Variants in TCF20 observed in about 807,000 individuals in gnomAD.
TCF20 encodes the protein SPRE-binding protein.
In TCF20, 3 loss-of-function variants were observed where a neutral mutation model predicts 148.6. That is an observed-to-expected ratio of 0.02 (90% CI 0.01 to 0.05). TCF20 has a LOEUF of 0.05. Ranked by LOEUF, TCF20 falls within the 10% of genes least tolerant of loss-of-function variation. The pLI, the probability that TCF20 is intolerant of heterozygous loss-of-function variation, is 1.00. For missense variants in TCF20, 2,350 were observed against 2,429.3 expected, an observed-to-expected ratio of 0.97 and a Z score of 0.69; for synonymous variants, 1,049 against 909.5, an observed-to-expected ratio of 1.15 and a Z score of -2.76.
chr22:42,199,503 G>C (rs967716342), intron 2 of TCF20, among the ~76,000 whole-genome samples: 2 of 152,032 alleles, frequency 1.3e-5, no homozygotes, highest in African/African-American at 4.8e-5. Flanking sequence ...TTTGACATGT[G>C]CTCTTTCTCA....
chr22:42,331,324 C>T (rs1385274380), intron 1 of TCF20, among the ~76,000 whole-genome samples: 1 of 152,234 alleles, frequency 6.6e-6, no homozygotes, highest in Non-Finnish European at 1.5e-5. Flanking sequence ...AACAGCTGGC[C>T]TCACAGAGAC....
intron 1 of TCF20, among the ~76,000 whole-genome samples, chr22:42,294,220 G>A (rs376735346): frequency 6.6e-5 from 10 of 152,196 alleles, no homozygotes; most frequent in African/African-American, 1.7e-4. Flanking sequence ...CCTGCAGTGC[G>A]GTGCATTAAT....
At chr22:42,283,231 T>C (rs962319325) in intron 1 of TCF20, among the ~76,000 whole-genome samples, 1 of 152,186 alleles carries the variant, frequency 6.6e-6, no homozygotes, top group Non-Finnish European at 1.5e-5. Flanking sequence ...GCCCCTCCTT[T>C]GTCCCGCATC....
chr22:42,299,386 C>A lies in TCF20; in HGVS notation c.-37+44093G>T, dbSNP rs768908596. The stretch of plus-strand genomic sequence containing the variant: ...TGCCTCTCACACAGTCCTTACCTTG[C>A]TCTCCCTCCCCATGGACTCTCTCTC... On this transcript the variant is annotated intron_variant, in intron 1 of 1. Coordinates refer to the TCF20 transcript ENST00000515426. The surrounding 1 kb of genome is among the most constrained non-coding windows in gnomAD (Gnocchi z 4.1). 3.3e-5 allele frequency among the ~76,000 whole-genome samples: 5 copies of A among 152,110 alleles called. No individual in the cohort carries two copies. Among genetic ancestry groups the A allele is most frequent in the Non-Finnish European group, 5.9e-5 (4 of 68,016 alleles).
chr22:42,195,196 C>T (rs150839148), intron 2 of TCF20, among the ~76,000 whole-genome samples: 8 of 150,802 alleles, frequency 5.3e-5, no homozygotes, highest in African/African-American at 1.9e-4. Flanking sequence ...ACTACATTCA[C>T]CCAGTGGCAA....
chr22:42,309,177 C>G (rs1382409278), intron 1 of TCF20, among the ~76,000 whole-genome samples: 5 of 152,068 alleles, frequency 3.3e-5, no homozygotes, highest in Non-Finnish European at 7.4e-5. Flanking sequence ...AGCCGGCAAC[C>G]CCTGCGGGAC....
rs1377636883 is a variant in TCF20 at position 42,161,389 on chromosome 22, A to G, written c.*45-31T>C. 8 of 1,613,734 alleles carry G rather than the reference A, an allele frequency of 5.0e-6. No homozygotes were observed. The Admixed American group carries it at 1.3e-4, about 27-fold the overall frequency. ...AGACAAGGGACACACAGTGAAGGCC[A>G]GGAGCCTCCACAGGGTCCACCACCA... On this transcript the variant is annotated intron_variant, in intron 5 of 5. Transcript: ENST00000677622.
In TCF20 at chr22:42,251,520, T is replaced by TTTTTG. The variant is rs1555947166; in HGVS notation, c.-37+18818_-37+18819insCAAAA. ...TTTTTTTTTTTTTTTTTTTTTTTTT[T>TTTTTG]GAGACAGAATCTCACTCTGTCACCC... On this transcript the variant is annotated intron_variant, in intron 1 of 5. Coordinates refer to ENST00000677622, the MANE Select transcript of TCF20 (RefSeq NM_001378418.1). 7.8e-5 allele frequency among the ~76,000 whole-genome samples: 9 copies of TTTTTG among 115,814 alleles called. 1 individual carries two copies. Among genetic ancestry groups the TTTTTG allele is most frequent in the East Asian group, 6.4e-4 (2 of 3,134 alleles). 76.0% of individuals were successfully genotyped at this position (115,814 alleles called of 152,430 possible). A position where few individuals can be genotyped will look rare whatever the true frequency, so the allele number is the denominator to read the frequency against.
chr22:42,255,928 T>TC (rs1275870172), intron 1 of TCF20, among the ~76,000 whole-genome samples: 6 of 152,174 alleles, frequency 3.9e-5, no homozygotes, highest in Non-Finnish European at 8.8e-5. Flanking sequence ...CTTCTGACCT[T>TC]CCCCTCTGTC....
chr22:42,295,484 C>T (rs1378996590), intron 1 of TCF20, among the ~76,000 whole-genome samples: 12 of 148,304 alleles, frequency 8.1e-5, no homozygotes, highest in African/African-American at 2.7e-4. Context: ...GCTCTTGTTG[C>T]CCGGGCTGGA....
rs560561526 is a variant in TCF20, at chr22:42,213,724, C to G, written c.1582G>C (p.Glu528Gln). Residue 528 changes from glutamate to glutamine, a missense_variant, in exon 2 of 6, where the codon GAG becomes CAG. Physicochemically the swap from Glu to Gln is conservative, Grantham distance 29. Coordinates refer to ENST00000677622, the MANE Select transcript of TCF20 (RefSeq NM_001378418.1). ...SLDGGCSSSSEDQGERVRQLS... is the reference protein window; with the variant it reads ...SLDGGCSSSSQDQGERVRQLS... ...TGCCGCACTCTCTCGCCTTGATCCT[C>G]TGAACTGCTGGAGCAGCCTCCATCT... 7 of 1,614,136 alleles carry G rather than the reference C, an allele frequency of 4.3e-6. No homozygotes were observed. The East Asian group carries it at 1.3e-4, about 31-fold the overall frequency.
chr22:42,296,469 G>A (rs1462855670), intron 1 of TCF20, among the ~76,000 whole-genome samples: 2 of 152,236 alleles, frequency 1.3e-5, no homozygotes, highest in Non-Finnish European at 2.9e-5. Context: ...GGGGCAGTTG[G>A]AGGCCCCAAC....
rs555746058 is a variant in TCF20 at position 42,242,571 on chromosome 22, A to G, written c.-36-27230T>C. ...AGGAGCTCAAAGTCAAGGATTTAGA[A>G]GAGGTATTTTCAACTGTGAAGATCT... is the stretch of plus-strand genomic sequence containing the variant. On this transcript the variant is annotated intron_variant, in intron 1 of 5. Coordinates refer to ENST00000677622, the MANE Select transcript of TCF20 (RefSeq NM_001378418.1). Among the ~76,000 whole-genome samples the G allele has an allele frequency of 4.6e-5, 7 of 152,244 alleles. No individual in the cohort carries two copies. In the South Asian group the frequency reaches 1.4e-3, roughly 32 times the overall value.
chr22:42,271,358 A>G (rs946696604), upstream of TCF20, among the ~76,000 whole-genome samples: 9 of 152,264 alleles, frequency 5.9e-5, no homozygotes, highest in African/African-American at 1.9e-4. Flanking sequence ...CTGCAATGCC[A>G]GGCTGACTGC....
intron 1 of TCF20, among the ~76,000 whole-genome samples, chr22:42,293,875 C>T (rs1055608111): frequency 1.3e-5 from 2 of 152,228 alleles, no homozygotes; most frequent in African/African-American, 4.8e-5. Flanking sequence ...TGGCATGAGC[C>T]TGTAATCCCA....
chr22:42,253,672 C>T (rs895705240), intron 1 of TCF20, among the ~76,000 whole-genome samples: 2 of 152,086 alleles, frequency 1.3e-5, no homozygotes, highest in Non-Finnish European at 2.9e-5. Flanking sequence ...ACCCTGAAAA[C>T]AGTAGAGTGA....
rs1421918089 is a variant in TCF20, at chr22:42,292,543, G to A, written c.-37+50936C>T. Among the ~76,000 whole-genome samples the A allele has an allele frequency of 6.6e-6, 1 of 152,174 alleles. No homozygotes were observed. Among genetic ancestry groups the A allele is most frequent in the Non-Finnish European group, 1.5e-5 (1 of 68,028 alleles). On this transcript the variant is annotated intron_variant, in intron 1 of 1. Coordinates refer to the TCF20 transcript ENST00000515426. This position sits in a 1 kb window ranked among gnomAD's most constrained non-coding sequence, Gnocchi z 4.9. Reference sequence around the variant, plus strand: ...GGCCCTCAATGAGGTAACATCCTGCGTGTCAACTGTAACCAAGGTAGGTTG... The same window carrying A: ...GGCCCTCAATGAGGTAACATCCTGCATGTCAACTGTAACCAAGGTAGGTTG...
chr22:42,312,528 C>T (rs1209387451), intron 1 of TCF20, among the ~76,000 whole-genome samples: 2 of 152,086 alleles, frequency 1.3e-5, no homozygotes, highest in Non-Finnish European at 2.9e-5. Flanking sequence ...ATTCTAGAAT[C>T]CACACTACCC....
At chr22:42,322,290 T>TA (rs1927746747) in intron 1 of TCF20, among the ~76,000 whole-genome samples, 1 of 151,756 alleles carries the variant, frequency 6.6e-6, no homozygotes, top group Admixed American at 6.6e-5. Flanking sequence ...ACTCAGAAGA[T>TA]GTATAAGAGG....
Sources: gnomAD v4.1 joint callset for allele counts (sites outside exome capture counted in the v4.1 genomes callset) on GRCh38, gnomAD v4.1.1 for gene constraint, Gnocchi (gnomAD v3.1) non-coding constraint, MANE v1.5 for transcripts, NCBI Gene and HGNC (gene_info 2026-07-23, HGNC 2026-07-21) for gene names.